The following CCDC191 variants were observed in gnomAD, a reference collection of about 807,000 sequenced individuals.
CCDC191 encodes coiled-coil domain containing 191.
A neutral mutation model predicts 114.0 loss-of-function variants in CCDC191; 99 were observed. The observed-to-expected ratio is 0.87, with a 90% CI of 0.74 to 1.03. CCDC191 has a LOEUF of 1.03. CCDC191 is among the 50% of genes least tolerant of loss of function. CCDC191 has a pLI of 0.00. For missense variants in CCDC191, 973 were observed against 1,087.0 expected, an observed-to-expected ratio of 0.90 and a Z score of 1.47; for synonymous variants, 351 against 376.0, an observed-to-expected ratio of 0.93 and a Z score of 0.77.
In CCDC191 at chr3:113,972,642, A is replaced by C. The variant is rs139921746; in HGVS notation, c.2606+5544T>G. Among the ~76,000 whole-genome samples the C allele has an allele frequency of 8.5e-3, 1,288 of 152,232 alleles. 17 individuals carry two copies. Among genetic ancestry groups the C allele is most frequent in the Non-Finnish European group, 0.01 (707 of 67,982 alleles). Reference sequence around the variant, plus strand: ...TTTCCTTGCTGATTTTCTTCTGGATAATTTGTCCACTACTGAGAGTGGCGT... The same window carrying C: ...TTTCCTTGCTGATTTTCTTCTGGATCATTTGTCCACTACTGAGAGTGGCGT... On this transcript the variant is annotated intron_variant, in intron 16 of 16. Transcript: ENST00000295878.
At chr3:114,039,360 A>G (rs1242646310) in intron 4 of CCDC191, 1 of 151,988 alleles carries the variant, frequency 6.6e-6, no homozygotes, top group Non-Finnish European at 1.5e-5. Flanking sequence ...GGAAAAAAAA[A>G]TTAGCTGGGT....
At chr3:114,043,888 G>A (rs2076595948) in intron 3 of CCDC191, among the ~76,000 whole-genome samples, 2 of 152,090 alleles carry the variant, frequency 1.3e-5, no homozygotes, top group Non-Finnish European at 1.5e-5. Context: ...GGACATGAGA[G>A]AAAGAAATCT....
chr3:113,972,784 A>G (rs549635770), intron 16 of CCDC191, among the ~76,000 whole-genome samples: 1 of 152,270 alleles, frequency 6.6e-6, no homozygotes, highest in Admixed American at 6.5e-5. Flanking sequence ...CTCTTGCTGA[A>G]TTGACCTCTT....
Position 114,018,725 on chromosome 3 carries a change from C to T in CCDC191, c.1116G>A (p.Leu372=), listed in dbSNP as rs767435186. The T allele has an allele frequency of 1.2e-6, 2 of 1,613,046 alleles. No homozygotes were observed. Among genetic ancestry groups the T allele is most frequent in the East Asian group, 2.2e-5 (1 of 44,836 alleles). The change falls in exon 8 of 17, where the codon TTG becomes TTA. Residue 372 remains leucine (L), a synonymous_variant. Transcript: ENST00000295878. Reference sequence around the variant, plus strand: ...TTTCCAAGGCTTGAGTCTCCCGCTCCAACTTCTGGAATCTTGTGTAGTCTC... The same window carrying T: ...TTTCCAAGGCTTGAGTCTCCCGCTCTAACTTCTGGAATCTTGTGTAGTCTC... ...AWRDYTRFQK[L]ERETQALEND... is the part of the protein sequence containing the mutation.
intron 16 of CCDC191, among the ~76,000 whole-genome samples, chr3:113,974,012 G>T (rs1941078338): frequency 6.6e-6 from 1 of 150,910 alleles, no homozygotes; most frequent in South Asian, 2.1e-4. Context: ...ATTTTCAAGT[G>T]GCTTGTCTTT....
intron 4 of CCDC191, among the ~76,000 whole-genome samples, chr3:114,042,032 A>C (rs376643802): frequency 1.8e-4 from 27 of 152,220 alleles, no homozygotes; most frequent in African/African-American, 6.3e-4. Flanking sequence ...CCTCCCTTAT[A>C]AGTAATAACT....
chr3:113,994,379 A>G (rs1452660726), intron 13 of CCDC191, among the ~76,000 whole-genome samples: 2 of 152,164 alleles, frequency 1.3e-5, no homozygotes, highest in Non-Finnish European at 2.9e-5. Flanking sequence ...AAACCCCCCT[A>G]ACTGACAATA....
At chr3:114,015,005 A>G (rs2076135211) in intron 8 of CCDC191, among the ~76,000 whole-genome samples, 1 of 152,100 alleles carries the variant, frequency 6.6e-6, no homozygotes, top group African/African-American at 2.4e-5. Flanking sequence ...AATTTATCCC[A>G]ATCAAACAGT....
intron 7 of CCDC191, among the ~76,000 whole-genome samples, chr3:114,019,907 C>T (rs1331383060): frequency 6.6e-6 from 1 of 152,118 alleles, no homozygotes; most frequent in African/African-American, 2.4e-5. Context: ...GCCAAAACAC[C>T]CAACACACTA....
intron 6 of CCDC191, among the ~76,000 whole-genome samples, chr3:114,032,539 C>G (rs189823293): frequency 6.6e-6 from 1 of 152,288 alleles, no homozygotes; most frequent in East Asian, 1.9e-4. Context: ...AGCACCTAGT[C>G]AGGAATCAGA....
chr3:114,025,517 T>C (rs1002593110), intron 7 of CCDC191, among the ~76,000 whole-genome samples: 8 of 152,230 alleles, frequency 5.3e-5, no homozygotes. Flanking sequence ...TTTCAGTTGA[T>C]AATATTGCTG....
Position 114,042,864 on chromosome 3 carries a change from CAT to C in CCDC191, c.272-20_272-19del. Reference sequence around the variant, plus strand: ...CTCCTGAGCTACAATAAAACAAAAACATGTTAAGTATTTCAGTTACTTCAGAG... The same window carrying C: ...CTCCTGAGCTACAATAAAACAAAAACGTTAAGTATTTCAGTTACTTCAGAG... On this transcript the variant is annotated intron_variant, in intron 3 of 16. Coordinates refer to ENST00000295878, the MANE Select transcript of CCDC191 (RefSeq NM_020817.2). 1 of 1,578,452 alleles carries C rather than the reference CAT, an allele frequency of 6.3e-7. No homozygotes were observed.
rs1425467802 is a variant in CCDC191 at position 113,964,391 on chromosome 3, G to C, written c.*764C>G. 6.6e-6 allele frequency: 1 copy of C among 152,126 alleles called. No homozygotes were observed. Among genetic ancestry groups the C allele is most frequent in the Non-Finnish European group, 1.5e-5 (1 of 68,032 alleles). 9.4% of individuals were successfully genotyped at this position (152,126 alleles called of 1,614,324 possible). A position where few individuals can be genotyped will look rare whatever the true frequency, so the allele number is the denominator to read the frequency against. The stretch of plus-strand genomic sequence containing the variant: ...CATCTTAAAGATGAAAACATTCTTT[G>C]AATTCAAGATAGGTATCTCAATATC... On this transcript the variant is annotated 3_prime_UTR_variant, in exon 17 of 17. Coordinates refer to ENST00000295878, the MANE Select transcript of CCDC191 (RefSeq NM_020817.2).
rs1036270856 is a variant in CCDC191, at chr3:114,003,225, C to A, written c.1979-687G>T. ...TGGTCTGATAATATGACTCTATAATCAGTTGGGGCTTTCATAGGAAGAGGG... is the reference window on the plus strand; with the variant it reads ...TGGTCTGATAATATGACTCTATAATAAGTTGGGGCTTTCATAGGAAGAGGG... On this transcript the variant is annotated intron_variant, in intron 11 of 16. Coordinates refer to ENST00000295878, the MANE Select transcript of CCDC191 (RefSeq NM_020817.2). The A allele has an allele frequency of 3.0e-6, 3 of 985,254 alleles. No homozygotes were observed. The African/African-American group carries it at 5.2e-5, about 17-fold the overall frequency. 61.0% of individuals were successfully genotyped at this position (985,254 alleles called of 1,614,324 possible).
chr3:114,040,773 T>C (rs755208708), intron 4 of CCDC191, among the ~76,000 whole-genome samples: 21 of 152,270 alleles, frequency 1.4e-4, no homozygotes, highest in Non-Finnish European at 2.8e-4. Flanking sequence ...AATGCATTTA[T>C]ATTTAATGTA....
At chr3:114,032,120 C>T (rs564807122) in intron 6 of CCDC191, among the ~76,000 whole-genome samples, 1 of 152,110 alleles carries the variant, frequency 6.6e-6, no homozygotes, top group African/African-American at 2.4e-5. Context: ...CATAAATTAT[C>T]TCCCATAGAA....
chr3:113,994,751 T>C (rs2107643581), intron 13 of CCDC191, among the ~76,000 whole-genome samples: 1 of 152,124 alleles, frequency 6.6e-6, no homozygotes, highest in East Asian at 1.9e-4. Context: ...ACCCGGCTAA[T>C]TTCTTTTATT....
chr3:114,017,177 C>T (rs921532683), intron 8 of CCDC191, among the ~76,000 whole-genome samples: 1 of 150,430 alleles, frequency 6.6e-6, no homozygotes, highest in Non-Finnish European at 1.5e-5. Context: ...CAGAAGTTGA[C>T]GTACTTGACA....
intron 7 of CCDC191, among the ~76,000 whole-genome samples, chr3:114,025,259 C>CAA (rs111848172): frequency 3.3e-4 from 35 of 104,678 alleles, no homozygotes; most frequent in African/African-American, 6.4e-4. Context: ...TTCAACTTAC[C>CAA]AAAAAAAAAA....
Sources: allele counts gnomAD v4.1 joint callset (sites outside exome capture counted in the v4.1 genomes callset), GRCh38; gene constraint gnomAD v4.1.1; transcripts MANE v1.5; gene names NCBI Gene and HGNC (gene_info 2026-07-23, HGNC 2026-07-21).